The following TPST1 variants were observed in gnomAD, a reference collection of about 807,000 sequenced individuals.
TPST1 encodes the protein tyrosylprotein sulfotransferase 1.
TPST1 carries 20 observed loss-of-function variants against 34.8 expected under a neutral mutation model. That is an observed-to-expected ratio of 0.57 (90% CI 0.40 to 0.84). The LOEUF (loss-of-function observed/expected upper bound fraction) is 0.84. Among genes scored for constraint, TPST1 ranks in the 40% least tolerant of loss-of-function variants. TPST1 has a pLI of 0.00. For synonymous variants in TPST1, 152 were observed against 159.4 expected (o/e 0.95, Z 0.35); for missense variants, 353 against 455.5 (o/e 0.78, Z 2.05).
intron 4 of TPST1, among the ~76,000 whole-genome samples, chr7:66,354,624 A>G (rs549828307): frequency 2.0e-5 from 3 of 151,940 alleles, no homozygotes; most frequent in South Asian, 2.1e-4. Context: ...CTAAAGGGAC[A>G]CTCCTGCTTC....
At chr7:66,306,184 A>G (rs750463618) in intron 3 of TPST1, among the ~76,000 whole-genome samples, 22 of 152,198 alleles carry the variant, frequency 1.4e-4, no homozygotes, top group Non-Finnish European at 3.1e-4. Flanking sequence ...GTTATCTTGT[A>G]TAGACTCTGG....
intron 5 of TPST1, among the ~76,000 whole-genome samples, chr7:66,358,854 G>A (rs987762492): frequency 2.0e-5 from 3 of 152,180 alleles, no homozygotes; most frequent in East Asian, 1.9e-4. Context: ...CTTTACCAGC[G>A]TGTTGTAGGA....
intron 3 of TPST1, among the ~76,000 whole-genome samples, chr7:66,327,772 C>CT (rs1323100364): frequency 1.3e-5 from 2 of 149,288 alleles, no homozygotes; most frequent in African/African-American, 4.9e-5. Context: ...TTGAAGAAAA[C>CT]TATGAGAAAA....
intron 3 of TPST1, among the ~76,000 whole-genome samples, chr7:66,326,836 T>G (rs897291012): frequency 3.9e-5 from 6 of 152,162 alleles, no homozygotes; most frequent in African/African-American, 1.4e-4. Flanking sequence ...GCTTCTAGAC[T>G]GACTAATTTT....
chr7:66,216,095 A>T (rs1036346541), intron 1 of TPST1, among the ~76,000 whole-genome samples: 3 of 152,098 alleles, frequency 2.0e-5, no homozygotes, highest in Non-Finnish European at 4.4e-5. Flanking sequence ...GGAAAATTTT[A>T]AATTACTCTT....
intron 2 of TPST1, among the ~76,000 whole-genome samples, chr7:66,245,697 T>TA (rs1262049159): frequency 2.0e-5 from 3 of 152,312 alleles, no homozygotes; most frequent in Non-Finnish European, 2.9e-5. Context: ...GATAACTCAA[T>TA]AGCCACTTGA....
intron 2 of TPST1, among the ~76,000 whole-genome samples, chr7:66,270,206 A>C (rs1790678310): frequency 6.6e-6 from 1 of 152,316 alleles, no homozygotes; most frequent in South Asian, 2.1e-4. Flanking sequence ...TCAAGGACCT[A>C]CAAAGATGTC....
chr7:66,281,335 G>A (rs1020322895), intron 2 of TPST1, among the ~76,000 whole-genome samples: 2 of 152,136 alleles, frequency 1.3e-5, no homozygotes, highest in African/African-American at 4.8e-5. Context: ...GAATGATGCT[G>A]ACCTCATAGA....
intron 3 of TPST1, among the ~76,000 whole-genome samples, chr7:66,306,876 G>A (rs1791434160): frequency 6.6e-6 from 1 of 151,590 alleles, no homozygotes; most frequent in South Asian, 2.1e-4. Flanking sequence ...ACCATGCACG[G>A]CTAATTTTTG....
chr7:66,214,427 T>G (rs1472270964), intron 1 of TPST1, among the ~76,000 whole-genome samples: 1 of 151,408 alleles, frequency 6.6e-6, no homozygotes, highest in East Asian at 1.9e-4. Flanking sequence ...TTATATTTAT[T>G]TATAAATAGT....
intron 3 of TPST1, among the ~76,000 whole-genome samples, chr7:66,305,560 G>A (rs777123646): frequency 4.6e-5 from 7 of 151,888 alleles, no homozygotes; most frequent in Non-Finnish European, 7.4e-5. Context: ...CTTGATAATC[G>A]GGATCAATCA....
At chr7:66,232,401 C>T (rs1789817188) in intron 1 of TPST1, among the ~76,000 whole-genome samples, 1 of 151,736 alleles carries the variant, frequency 6.6e-6, no homozygotes, top group African/African-American at 2.4e-5. Flanking sequence ...GAGACAGAGT[C>T]TCGCTCTGTC....
At chr7:66,243,185 G>A (rs1481115089) in intron 2 of TPST1, among the ~76,000 whole-genome samples, 1 of 150,930 alleles carries the variant, frequency 6.6e-6, no homozygotes, top group African/African-American at 2.4e-5. Flanking sequence ...GTGTGTGTGT[G>A]TGTTTAACAG....
Position 66,300,523 on chromosome 7 carries a change from C to T in TPST1, c.1044+13814C>T, listed in dbSNP as rs530203398. ...AATTTTGACCTCCTCCCATGAATTA[C>T]GAATGTTCTTAATGGCATCTAAAAT... is the stretch of plus-strand genomic sequence containing the variant. On this transcript the variant is annotated intron_variant, in intron 3 of 5. Coordinates refer to ENST00000304842, the MANE Select transcript of TPST1 (RefSeq NM_003596.4). Among the ~76,000 whole-genome samples the T allele has an allele frequency of 8.5e-4, 129 of 152,282 alleles. 1 individual carries two copies. In the South Asian group the frequency reaches 0.013, roughly 15 times the overall value.
At chr7:66,296,063 A>G (rs145554635) in intron 3 of TPST1, among the ~76,000 whole-genome samples, 43 of 152,344 alleles carry the variant, frequency 2.8e-4, no homozygotes, top group Non-Finnish European at 5.3e-4. Flanking sequence ...GTTCTTAGGC[A>G]GTAGACATTA....
chr7:66,353,648 A>G (rs1792524827), intron 4 of TPST1, among the ~76,000 whole-genome samples: 1 of 152,220 alleles, frequency 6.6e-6, no homozygotes, highest in Non-Finnish European at 1.5e-5. Flanking sequence ...GAAGTCAGAA[A>G]AAATGGACAC....
At chr7:66,232,265 T>C (rs1471074393) in intron 1 of TPST1, among the ~76,000 whole-genome samples, 3 of 149,968 alleles carry the variant, frequency 2.0e-5, no homozygotes, top group Non-Finnish European at 4.4e-5. Context: ...AGCTATGGTG[T>C]GATTATGGCT....
At chr7:66,310,762 A>C (rs1011656774) in intron 3 of TPST1, among the ~76,000 whole-genome samples, 12 of 152,262 alleles carry the variant, frequency 7.9e-5, no homozygotes, top group African/African-American at 2.9e-4. Context: ...GATAAATTTT[A>C]AGCTACTTCT....
chr7:66,215,253 C>T (rs1341563662), intron 1 of TPST1, among the ~76,000 whole-genome samples: 2 of 149,546 alleles, frequency 1.3e-5, no homozygotes, highest in Admixed American at 6.7e-5. Flanking sequence ...CGGGGTTTCA[C>T]CATGTTGGCC....
Sources: allele counts gnomAD v4.1 joint callset (sites outside exome capture counted in the v4.1 genomes callset), GRCh38; gene constraint gnomAD v4.1.1; transcripts MANE v1.5; gene names NCBI Gene and HGNC (gene_info 2026-07-23, HGNC 2026-07-21).